The following ZNF407 variants were observed in gnomAD, a reference collection of about 807,000 sequenced individuals.
ZNF407 encodes the protein zinc finger protein 407.
ZNF407 carries 17 observed loss-of-function variants against 131.2 expected under a neutral mutation model. The observed-to-expected ratio is 0.13, with a 90% confidence interval of 0.09 to 0.19. ZNF407 has a LOEUF of 0.19. Ranked by LOEUF, ZNF407 falls within the 10% of genes least tolerant of loss-of-function variation. The pLI is 1.00. For missense variants in ZNF407, 2,681 were observed against 2,830.6 expected, an observed-to-expected ratio of 0.95 and a Z score of 1.20; for synonymous variants, 1,156 against 1,062.0, an observed-to-expected ratio of 1.09 and a Z score of -1.72.
At chr18:74,735,167 C>A (rs2144905219) in intron 3 of ZNF407, among the ~76,000 whole-genome samples, 1 of 152,248 alleles carries the variant, frequency 6.6e-6, no homozygotes, top group South Asian at 2.1e-4. Flanking sequence ...ATCTGGTTTT[C>A]TTGTGATGCA....
intron 3 of ZNF407, among the ~76,000 whole-genome samples, chr18:74,771,372 G>A (rs999885741): frequency 1.3e-5 from 2 of 151,950 alleles, no homozygotes; most frequent in Non-Finnish European, 2.9e-5. Flanking sequence ...TTGAACTGCA[G>A]GTTTTTCCGT....
intron 8 of ZNF407, among the ~76,000 whole-genome samples, chr18:74,968,741 A>C (rs2145300655): frequency 6.6e-6 from 1 of 152,254 alleles, no homozygotes; most frequent in South Asian, 2.1e-4. Context: ...TCAAAAGTTT[A>C]ATTATGAAGT....
At chr18:74,773,981 C>A (rs1316686487) in intron 3 of ZNF407, among the ~76,000 whole-genome samples, 2 of 152,144 alleles carry the variant, frequency 1.3e-5, no homozygotes, top group Non-Finnish European at 2.9e-5. Context: ...ACTGTTGGGC[C>A]TGGAAGGCTG....
intron 8 of ZNF407, among the ~76,000 whole-genome samples, chr18:75,057,461 A>G (rs1391160070): frequency 6.6e-6 from 1 of 152,158 alleles, no homozygotes; most frequent in Non-Finnish European, 1.5e-5. Flanking sequence ...TGAAAATTCT[A>G]TGAATTTTTA....
At chr18:74,667,568 G>A (rs540644047) in intron 3 of ZNF407, among the ~76,000 whole-genome samples, 1 of 152,252 alleles carries the variant, frequency 6.6e-6, no homozygotes, top group East Asian at 1.9e-4. Context: ...TGCATATGGT[G>A]GGCACTACTA....
chr18:74,788,624 A>C (rs1490504777), intron 4 of ZNF407, among the ~76,000 whole-genome samples: 1 of 150,716 alleles, frequency 6.6e-6, no homozygotes, highest in East Asian at 1.9e-4. Flanking sequence ...GAAAAAAAAA[A>C]AAAAACACCA....
In ZNF407 at chr18:74,755,889, T is replaced by C. The variant is rs1419769934; in HGVS notation, c.4803-25539T>C. The stretch of plus-strand genomic sequence containing the variant: ...CCTTCCTTCCTCTTTTCCTTCCTTT[T>C]TTTTTTTTTTTTTTTTTTTTTTGAG... On this transcript the variant is annotated intron_variant, in intron 3 of 8. Coordinates refer to ENST00000299687, the MANE Select transcript of ZNF407 (RefSeq NM_017757.3). Among the ~76,000 whole-genome samples, 245 of 60,052 alleles carry C rather than the reference T, an allele frequency of 4.1e-3. 3 individuals are homozygous for C. Among genetic ancestry groups the C allele is most frequent in the African/African-American group, 0.02 (240 of 11,958 alleles). 39.4% of individuals were successfully genotyped at this position (60,052 alleles called of 152,430 possible). A position where few individuals can be genotyped will look rare whatever the true frequency, so the allele number is the denominator to read the frequency against.
intron 8 of ZNF407, among the ~76,000 whole-genome samples, chr18:75,044,267 C>G (rs138999609): frequency 3.3e-5 from 5 of 151,730 alleles, no homozygotes; most frequent in African/African-American, 1.2e-4. Flanking sequence ...TGAAAAAAAA[C>G]ACTATATTCA....
Position 74,947,481 on chromosome 18 carries a change from C to T in ZNF407, c.5428+26789C>T, listed in dbSNP as rs570844823. ...AACTTCAGTGGAGTGGGATGTGAAACGGCATCATTTAAATTAAAAAATAAA... is the reference window on the plus strand; with the variant it reads ...AACTTCAGTGGAGTGGGATGTGAAATGGCATCATTTAAATTAAAAAATAAA... On this transcript the variant is annotated intron_variant, in intron 8 of 8. Coordinates refer to ENST00000299687, the MANE Select transcript of ZNF407 (RefSeq NM_017757.3). 5.3e-5 allele frequency among the ~76,000 whole-genome samples: 8 copies of T among 152,222 alleles called. No individual in the cohort carries two copies. The East Asian group carries it at 5.8e-4, about 11-fold the overall frequency.
At chr18:74,746,191 A>T (rs777869195) in intron 3 of ZNF407, among the ~76,000 whole-genome samples, 1 of 152,144 alleles carries the variant, frequency 6.6e-6, no homozygotes, top group Non-Finnish European at 1.5e-5. Context: ...AGTACGAAAG[A>T]TAAAAAGGGG....
At chr18:74,812,887 A>G (rs1253347245) in intron 4 of ZNF407, among the ~76,000 whole-genome samples, 1 of 152,046 alleles carries the variant, frequency 6.6e-6, no homozygotes, top group Non-Finnish European at 1.5e-5. Flanking sequence ...ATTCTTGATG[A>G]AAGATATTTT....
chr18:74,845,811 G>A (rs78479126), intron 4 of ZNF407, among the ~76,000 whole-genome samples: 4,009 of 152,230 alleles, frequency 0.026, 165 homozygotes, highest in African/African-American at 0.091. Context: ...CAGAGAATAA[G>A]TAAATCCATT....
At position 74,988,469 on chromosome 18, in the gene ZNF407, GAT is replaced by G. The variant is rs975595564; in HGVS notation, c.5428+67789_5428+67790del. 4.7e-5 allele frequency among the ~76,000 whole-genome samples: 7 copies of G among 149,650 alleles called. No individual in the cohort carries two copies. In the East Asian group the frequency reaches 7.8e-4, roughly 17 times the overall value. On this transcript the variant is annotated intron_variant, in intron 8 of 8. Transcript: ENST00000299687. Reference sequence around the variant, plus strand: ...TACTGTTAAGAAAATAAAGAGAAAAGATATATATATATAGATAGATATAAAAT... The same window carrying G: ...TACTGTTAAGAAAATAAAGAGAAAAGATATATATATAGATAGATATAAAAT...
At chr18:74,800,336 A>G (rs1246686336) in intron 4 of ZNF407, among the ~76,000 whole-genome samples, 1 of 151,510 alleles carries the variant, frequency 6.6e-6, no homozygotes, top group African/African-American at 2.4e-5. Flanking sequence ...ATTAGATTGT[A>G]CTCTTTTATT....
intron 3 of ZNF407, among the ~76,000 whole-genome samples, chr18:74,720,604 G>A (rs1407073749): frequency 6.6e-6 from 1 of 151,918 alleles, no homozygotes; most frequent in Non-Finnish European, 1.5e-5. Context: ...GTTCTCCTAT[G>A]TTTTCTTCTG....
chr18:75,043,758 A>C (rs1973400750), intron 8 of ZNF407, among the ~76,000 whole-genome samples: 1 of 152,224 alleles, frequency 6.6e-6, no homozygotes, highest in South Asian at 2.1e-4. Context: ...CTGTGGCTTT[A>C]TCCACAGTAC....
In ZNF407 at chr18:75,065,067, A is replaced by G. The variant is rs546465099; in HGVS notation, c.*599A>G. ...CAAAGGAAGCCTGCTAGCTCATTTC[A>G]TGTATAAATTTCCCATCTTCAAACA... On this transcript the variant is annotated 3_prime_UTR_variant, in exon 9 of 9. Transcript: ENST00000299687. 8 of 152,544 alleles carry G rather than the reference A, an allele frequency of 5.2e-5. No individual in the cohort carries two copies. Among genetic ancestry groups the G allele is most frequent in the African/African-American group, 1.4e-4 (6 of 41,480 alleles). The allele number at this position is 152,544 out of a possible 1,614,324, so 9.4% of individuals were successfully genotyped here. A position where few individuals can be genotyped will look rare whatever the true frequency, so the allele number is the denominator to read the frequency against.
intron 8 of ZNF407, among the ~76,000 whole-genome samples, chr18:74,947,957 C>G (rs1972172152): frequency 6.6e-6 from 1 of 152,176 alleles, no homozygotes; most frequent in Admixed American, 6.5e-5. Flanking sequence ...ACCTTCAAAA[C>G]CAAGGGTCAA....
intron 4 of ZNF407, among the ~76,000 whole-genome samples, chr18:74,869,605 G>A (rs139984104): frequency 4.1e-4 from 63 of 152,316 alleles, no homozygotes; most frequent in Non-Finnish European, 7.8e-4. Context: ...AACATTCAGT[G>A]TGGGTTCTTT....
Sources: gnomAD v4.1 joint callset for allele counts (sites outside exome capture counted in the v4.1 genomes callset) on GRCh38, gnomAD v4.1.1 for gene constraint, MANE v1.5 for transcripts, NCBI Gene and HGNC (gene_info 2026-07-23, HGNC 2026-07-21) for gene names.